The following SLC44A5 variants were observed in gnomAD, a reference collection of about 807,000 sequenced individuals.
SLC44A5 encodes the protein choline transporter-like protein 5.
In SLC44A5, 57 loss-of-function variants were observed where a neutral mutation model predicts 101.8. The observed-to-expected ratio is 0.56, with a 90% CI of 0.45 to 0.70. The LOEUF (loss-of-function observed/expected upper bound fraction) is 0.70. Among genes scored for constraint, SLC44A5 ranks in the 30% least tolerant of loss-of-function variants. The pLI is 0.00. For missense variants in SLC44A5, 737 were observed against 853.1 expected, an observed-to-expected ratio of 0.86 and a Z score of 1.70; for synonymous variants, 281 against 290.9, an observed-to-expected ratio of 0.97 and a Z score of 0.35.
rs751629599 is a variant in SLC44A5 at position 75,227,784 on chromosome 1, G to A, written c.927C>T (p.Ile309=). The change falls in exon 13 of 24, where the codon ATC becomes ATT. Residue 309 remains isoleucine, a synonymous_variant. Transcript: ENST00000370859. ...RPSSVLTIYD[I]GIQTNISMYF... is the part of the protein sequence containing the mutation. ...ACATGCTTATGTTAGTCTGAATCCC[G>A]ATGTCATAGATAGTTAATACAGAAC... The A allele has an allele frequency of 5.0e-6, 8 of 1,594,130 alleles. No homozygotes were observed. Among genetic ancestry groups the A allele is most frequent in the Non-Finnish European group, 6.0e-6 (7 of 1,174,062 alleles).
intron 9 of SLC44A5, among the ~76,000 whole-genome samples, chr1:75,239,918 T>C (rs1648464723): frequency 6.6e-6 from 1 of 152,018 alleles, no homozygotes. Context: ...ATTGAAACTC[T>C]CTTTTCTTGG....
chr1:75,671,003 A>G, the SLC44A5 span, among the ~76,000 whole-genome samples: 1 of 152,254 alleles, frequency 6.6e-6, no homozygotes, highest in Non-Finnish European at 1.5e-5. Context: ...TGCACGTAAC[A>G]TAGGGAAGCA....
At chr1:75,386,014 C>A (rs1356884892) in intron 3 of SLC44A5, among the ~76,000 whole-genome samples, 1 of 152,164 alleles carries the variant, frequency 6.6e-6, no homozygotes, top group Non-Finnish European at 1.5e-5. Context: ...AACAACCCCT[C>A]ATGCTAAAAA....
intron 13 of SLC44A5, among the ~76,000 whole-genome samples, chr1:75,226,012 CA>C (rs1374885675): frequency 1.3e-5 from 2 of 152,040 alleles, no homozygotes; most frequent in Non-Finnish European, 2.9e-5. Context: ...AAATAATAGA[CA>C]ACAGTAAGCA....
intron 6 of SLC44A5, among the ~76,000 whole-genome samples, chr1:75,264,682 A>G (rs1650841212): frequency 6.6e-6 from 1 of 152,182 alleles, no homozygotes; most frequent in African/African-American, 2.4e-5. Flanking sequence ...AATGACCTAC[A>G]TCATAAAAGT....
chr1:75,248,963 T>A (rs769322111), intron 7 of SLC44A5, among the ~76,000 whole-genome samples: 1 of 151,984 alleles, frequency 6.6e-6, no homozygotes, highest in Non-Finnish European at 1.5e-5. Flanking sequence ...ATACTTTGGA[T>A]GGGTTAGGAT....
chr1:75,677,881 G>A, the SLC44A5 span: 4 of 332,044 alleles, frequency 1.2e-5, no homozygotes, highest in South Asian at 6.6e-5. Flanking sequence ...GTGCCAGACA[G>A]TGGGCGCAGG....
rs192829044 is a variant in SLC44A5 at position 75,349,133 on chromosome 1, A to G, written c.53-9503T>C. 6.4e-3 allele frequency among the ~76,000 whole-genome samples: 981 copies of G among 152,200 alleles called. 7 individuals carry two copies. Among genetic ancestry groups the G allele is most frequent in the Non-Finnish European group, 9.8e-3 (663 of 67,994 alleles). ...GGGAGGCCAAGGCGTGTGGATCACC[A>G]GAGGTCAGGAGTTCTAGACATGGTG... On this transcript the variant is annotated intron_variant, in intron 3 of 23. Coordinates refer to ENST00000370859, the MANE Select transcript of SLC44A5 (RefSeq NM_001130058.2).
intron 2 of SLC44A5, among the ~76,000 whole-genome samples, chr1:75,485,958 A>G (rs895183806): frequency 6.6e-6 from 1 of 152,160 alleles, no homozygotes; most frequent in Non-Finnish European, 1.5e-5. Flanking sequence ...AATCCACTCC[A>G]TGATCCAATC....
In SLC44A5 at chr1:75,360,867, G is replaced by A. The variant is rs972346129; in HGVS notation, c.53-21237C>T. Among the ~76,000 whole-genome samples the A allele has an allele frequency of 2.0e-5, 3 of 152,080 alleles. No individual in the cohort carries two copies. In the East Asian group the frequency reaches 5.8e-4, roughly 29 times the overall value. ...AAAAATGCCATTGAAATTTTGATAG[G>A]GATTGCACTGAATGTGTAGAGCACT... On this transcript the variant is annotated intron_variant, in intron 3 of 23. Coordinates refer to ENST00000370859, the MANE Select transcript of SLC44A5 (RefSeq NM_001130058.2).
At chr1:75,339,118 T>C (rs1258458871) in intron 4 of SLC44A5, among the ~76,000 whole-genome samples, 1 of 152,170 alleles carries the variant, frequency 6.6e-6, no homozygotes, top group Non-Finnish European at 1.5e-5. Flanking sequence ...GTGCACACGA[T>C]GCATTGGTGA....
At chr1:75,459,622 T>C (rs143486865) in intron 2 of SLC44A5, among the ~76,000 whole-genome samples, 24 of 152,270 alleles carry the variant, frequency 1.6e-4, no homozygotes, top group Non-Finnish European at 2.9e-4. Context: ...CCAAGTAACA[T>C]AGTTAGCACC....
At chr1:75,293,602 C>T (rs766665162) in intron 5 of SLC44A5, among the ~76,000 whole-genome samples, 2 of 152,102 alleles carry the variant, frequency 1.3e-5, no homozygotes, top group Non-Finnish European at 2.9e-5. Flanking sequence ...ACACATGATA[C>T]CAAATTTGAA....
At chr1:75,433,742 T>C (rs1664738090) in intron 2 of SLC44A5, among the ~76,000 whole-genome samples, 1 of 152,182 alleles carries the variant, frequency 6.6e-6, no homozygotes, top group African/African-American at 2.4e-5. Flanking sequence ...ATCTGCTCTT[T>C]CTCTGTATTT....
chr1:75,431,039 T>C (rs1664584993), intron 2 of SLC44A5, among the ~76,000 whole-genome samples: 1 of 152,178 alleles, frequency 6.6e-6, no homozygotes, highest in Admixed American at 6.5e-5. Flanking sequence ...ACTGGTTTTA[T>C]CATACACCTG....
chr1:75,305,439 T>C (rs952714538), intron 4 of SLC44A5, among the ~76,000 whole-genome samples: 1 of 152,228 alleles, frequency 6.6e-6, no homozygotes, highest in Non-Finnish European at 1.5e-5. Flanking sequence ...GTTTACTGTT[T>C]AAAAAATTGC....
the SLC44A5 span, among the ~76,000 whole-genome samples, chr1:75,721,661 C>T: frequency 6.6e-6 from 1 of 152,166 alleles, no homozygotes; most frequent in African/African-American, 2.4e-5. Context: ...CCTCTGGTAA[C>T]TTGCAACTGA....
chr1:75,668,711 T>C, the SLC44A5 span, among the ~76,000 whole-genome samples: 1 of 151,500 alleles, frequency 6.6e-6, no homozygotes, highest in Admixed American at 6.6e-5. Context: ...AACAGACCAA[T>C]TGGCTGGGCA....
chr1:75,384,156 C>G (rs967532299), intron 3 of SLC44A5, among the ~76,000 whole-genome samples: 5 of 152,004 alleles, frequency 3.3e-5, no homozygotes, highest in African/African-American at 1.2e-4. Context: ...AACTAACGAG[C>G]AAAATAACCA....
Sources: gnomAD v4.1 joint callset for allele counts (sites outside exome capture counted in the v4.1 genomes callset) on GRCh38, gnomAD v4.1.1 for gene constraint, MANE v1.5 for transcripts, NCBI Gene and HGNC (gene_info 2026-07-23, HGNC 2026-07-21) for gene names.